Variants in AGXT2 observed in about 807,000 individuals in gnomAD.
AGXT2 encodes the protein alanine--glyoxylate aminotransferase 2, mitochondrial.
A neutral mutation model predicts 62.5 loss-of-function variants in AGXT2; 61 were observed. The observed-to-expected ratio is 0.98, with a 90% confidence interval of 0.79 to 1.21. AGXT2 has a LOEUF of 1.21. Ranked by LOEUF, AGXT2 falls within the 50% of genes most tolerant of loss-of-function variation. The pLI is 0.00. For synonymous variants in AGXT2, 243 were observed against 218.7 expected (o/e 1.11, Z -0.98); for missense variants, 666 against 641.5 (o/e 1.04, Z -0.41).
intron 1 of AGXT2, among the ~76,000 whole-genome samples, chr5:35,044,744 C>T (rs58048123): frequency 0.022 from 3,330 of 152,174 alleles, 133 homozygotes; most frequent in African/African-American, 0.078. Context: ...GAGCACTCCT[C>T]GATTCCTGAT....
At chr5:35,039,554 A>G (rs764390555) in intron 2 of AGXT2, 46 bp from the exon 3 acceptor site, 3 of 1,586,840 alleles carry the variant, frequency 1.9e-6, no homozygotes, top group South Asian at 1.1e-5. Flanking sequence ...TACAAGATCA[A>G]TAGCAGTCAA....
At chr5:35,009,676 A>T (rs183417614) in intron 12 of AGXT2, among the ~76,000 whole-genome samples, 3 of 152,112 alleles carry the variant, frequency 2.0e-5, no homozygotes, top group Admixed American at 2.0e-4. Flanking sequence ...CTTCTTTCTT[A>T]TTCCTTCTGT....
chr5:35,045,419 C>T lies in AGXT2; in HGVS notation c.88+2386G>A, dbSNP rs551776584. Among the ~76,000 whole-genome samples, 167 of 152,210 alleles carry T rather than the reference C, an allele frequency of 1.1e-3. 1 individual carries two copies. The highest frequency in any genetic ancestry group is 3.8e-3 in the African/African-American group (156 of 41,526). ...TATTGGATACATACATAAATACATA[C>T]ATATTCACACACATATATATTTTTA... On this transcript the variant is annotated intron_variant, in intron 1 of 13. Transcript: ENST00000231420.
At chr5:35,024,309 T>C (rs577817904) in intron 9 of AGXT2, among the ~76,000 whole-genome samples, 4 of 152,274 alleles carry the variant, frequency 2.6e-5, no homozygotes, top group Admixed American at 2.0e-4. Context: ...TAACCACCTG[T>C]TAGTCCAATC....
At chr5:35,042,611 G>T (rs1768027516) in intron 1 of AGXT2, among the ~76,000 whole-genome samples, 2 of 152,084 alleles carry the variant, frequency 1.3e-5, no homozygotes, top group African/African-American at 4.8e-5. Context: ...AATCTATCTA[G>T]ATAATTGCAT....
At chr5:35,003,578 C>CT (rs11426533) in intron 13 of AGXT2, among the ~76,000 whole-genome samples, 185 bp downstream of exon 13, 48,365 of 145,182 alleles carry the variant, frequency 0.33, 8,305 homozygotes, top group Non-Finnish European at 0.39. Context: ...CTGTCTCCGC[C>CT]TTTTTTTTTT....
chr5:35,033,702 G>A, intron 5 of AGXT2, 149 bp from the exon 6 acceptor site: 1 of 678,960 alleles, frequency 1.5e-6, no homozygotes, highest in South Asian at 1.6e-5. Flanking sequence ...GCTTATGTCG[G>A]ATCAATGTAC....
At position 35,035,007 on chromosome 5, in the gene AGXT2, G is replaced by A. The variant is rs77261681; in HGVS notation, c.581+215C>T. On this transcript the variant is annotated intron_variant, in intron 5 of 13. Coordinates refer to ENST00000231420, the MANE Select transcript of AGXT2 (RefSeq NM_031900.4). ...ACATAATGAGGACTTCAAGCTGGTCGTGACCAGTTGGGGCCCCCTCTCTTG... is the reference window on the plus strand; with the variant it reads ...ACATAATGAGGACTTCAAGCTGGTCATGACCAGTTGGGGCCCCCTCTCTTG... 3.8e-4 allele frequency among the ~76,000 whole-genome samples: 58 copies of A among 152,250 alleles called. 1 individual carries two copies. In the East Asian group the frequency reaches 9.7e-3, roughly 25 times the overall value.
At chr5:35,016,248 T>C (rs897879251) in intron 9 of AGXT2, among the ~76,000 whole-genome samples, 1 of 152,292 alleles carries the variant, frequency 6.6e-6, no homozygotes, top group South Asian at 2.1e-4. Context: ...AAAGGAAGCC[T>C]AGCATGACTT....
chr5:35,020,170 C>T (rs1767011383), intron 9 of AGXT2, among the ~76,000 whole-genome samples: 1 of 152,194 alleles, frequency 6.6e-6, no homozygotes, highest in African/African-American at 2.4e-5. Context: ...ACCATTCCTT[C>T]TGAAACTATT....
At chr5:35,002,291 T>C (rs1766256897) in intron 13 of AGXT2, among the ~76,000 whole-genome samples, 1 of 152,164 alleles carries the variant, frequency 6.6e-6, no homozygotes, top group Admixed American at 6.5e-5. Flanking sequence ...AAGTCTGTTT[T>C]GTTTAAAGGG....
intron 7 of AGXT2, among the ~76,000 whole-genome samples, chr5:35,031,536 G>C (rs1236891666): frequency 6.6e-6 from 1 of 152,178 alleles, no homozygotes; most frequent in Non-Finnish European, 1.5e-5. Context: ...AAGTACTAAG[G>C]AGCGGCTATT....
At position 35,010,037 on chromosome 5, in the gene AGXT2, T is replaced by C. The variant is rs971189650; in HGVS notation, c.1301A>G (p.Lys434Arg). ...EFEIVGDVRG[K>R]GLMIGIEMVQ... ...CATTTCTATGCCTATCATGAGACCT[T>C]TGCCTCGGACGTCTCCAACAATTTC... The change falls in exon 12 of 14, where the codon AAA becomes AGA. Residue 434 changes from lysine (K) to arginine (R), a missense_variant. Coordinates refer to ENST00000231420, the MANE Select transcript of AGXT2 (RefSeq NM_031900.4). 1 of 1,614,010 alleles carries C rather than the reference T, an allele frequency of 6.2e-7. No individual in the cohort carries two copies. The highest frequency in any genetic ancestry group is 8.5e-7 in the Non-Finnish European group (1 of 1,179,850).
intron 10 of AGXT2, 42 bp downstream of exon 10, chr5:35,013,945 T>A: frequency 6.2e-7 from 1 of 1,613,704 alleles, no homozygotes; most frequent in African/African-American, 1.3e-5. Flanking sequence ...TAGCCCAATG[T>A]ACGAGGCCCA....
chr5:35,037,897 C>T (rs1767843465), intron 3 of AGXT2, among the ~76,000 whole-genome samples: 1 of 152,202 alleles, frequency 6.6e-6, no homozygotes, highest in Non-Finnish European at 1.5e-5. Flanking sequence ...TGGAACCTGA[C>T]TTGGCTTTGA....
chr5:35,040,939 T>C (rs908323447), intron 1 of AGXT2, among the ~76,000 whole-genome samples: 4 of 152,132 alleles, frequency 2.6e-5, no homozygotes, highest in Non-Finnish European at 5.9e-5. Flanking sequence ...CTCTCCATGT[T>C]ACCCTCACCG....
chr5:35,014,706 G>A (rs1470824632), intron 9 of AGXT2, among the ~76,000 whole-genome samples: 3 of 152,128 alleles, frequency 2.0e-5, no homozygotes, highest in Admixed American at 6.5e-5. Context: ...ACAACAATAT[G>A]TCACAGGCTC....
chr5:35,047,698 C>T (rs112287220), intron 1 of AGXT2, 107 bp downstream of exon 1: 1 of 1,435,062 alleles, frequency 7.0e-7, no homozygotes, highest in Non-Finnish European at 9.4e-7. Flanking sequence ...TCTCTAAGAC[C>T]TCACCCAGGT....
At chr5:35,015,310 C>T (rs1200604800) in intron 9 of AGXT2, among the ~76,000 whole-genome samples, 2 of 152,210 alleles carry the variant, frequency 1.3e-5, no homozygotes, top group African/African-American at 4.8e-5. Flanking sequence ...ACAAAGTAGA[C>T]ACTTAGTAAG....
Sources: allele counts gnomAD v4.1 joint callset (sites outside exome capture counted in the v4.1 genomes callset), GRCh38; gene constraint gnomAD v4.1.1; transcripts MANE v1.5; gene names NCBI Gene and HGNC (gene_info 2026-07-23, HGNC 2026-07-21).